ATP8B4: variants seen among roughly 807,000 people sequenced by gnomAD.
ATP8B4 encodes the protein probable phospholipid-transporting ATPase IM.
In ATP8B4, 133 loss-of-function variants were observed where a neutral mutation model predicts 145.6. The observed-to-expected ratio is 0.91, with a 90% confidence interval of 0.79 to 1.05. The LOEUF is 1.05. ATP8B4 is among the 50% of genes least tolerant of loss of function. The probability of loss-of-function intolerance (pLI) is 0.00; values close to 1 mark genes in which losing one functional copy is unlikely to be tolerated. For synonymous variants in ATP8B4, 507 were observed against 492.9 expected (o/e 1.03, Z -0.38); for missense variants, 1,458 against 1,425.2 (o/e 1.02, Z -0.37).
chr15:49,987,677 T>C (rs2046734507), intron 9 of ATP8B4, 128 bp from the exon 10 acceptor site: 3 of 979,056 alleles, frequency 3.1e-6, no homozygotes, highest in Admixed American at 3.2e-5. Flanking sequence ...TAAAGAATTG[T>C]GCTAGAAAAA....
At chr15:50,101,715 C>T (rs1392198688) in intron 2 of ATP8B4, among the ~76,000 whole-genome samples, 4 of 152,046 alleles carry the variant, frequency 2.6e-5, no homozygotes, top group East Asian at 1.9e-4. Context: ...AAACGATGAA[C>T]TTAAACTATA....
rs187853876 is a variant in ATP8B4 at position 50,074,142 on chromosome 15, T to C, written c.72A>G (p.Glu24=). The part of the protein sequence containing the change: ...IVKANDREYN[E]KFQYADNRIH... ...TTTCACTTACCGCATACTGGAACTT[T>C]TCATTATATTCACGGTCATTGGCTT... The change falls in exon 3 of 28, where the codon GAA becomes GAG. Residue 24 remains glutamate, a synonymous_variant. Transcript: ENST00000284509. The C allele has an allele frequency of 1.2e-6, 2 of 1,613,010 alleles. No individual in the cohort carries two copies. Among genetic ancestry groups the C allele is most frequent in the East Asian group, 4.5e-5 (2 of 44,838 alleles).
intron 3 of ATP8B4, among the ~76,000 whole-genome samples, chr15:50,054,174 A>C (rs28452447): frequency 0.027 from 4,060 of 152,258 alleles, 171 homozygotes; most frequent in African/African-American, 0.094. Flanking sequence ...TCACAGCTTA[A>C]CCCAGTAAGA....
At chr15:50,106,021 G>T (rs2153667530) in intron 2 of ATP8B4, among the ~76,000 whole-genome samples, 1 of 152,290 alleles carries the variant, frequency 6.6e-6, no homozygotes, top group East Asian at 1.9e-4. Context: ...TGGCCTGTGG[G>T]TGGGAACCAC....
At chr15:50,007,371 A>G (rs1345838960) in intron 7 of ATP8B4, among the ~76,000 whole-genome samples, 1 of 152,210 alleles carries the variant, frequency 6.6e-6, no homozygotes, top group Non-Finnish European at 1.5e-5. Context: ...CCAATGGAGT[A>G]AGGAACAGCA....
Position 49,858,512 on chromosome 15 carries a change from T to C in ATP8B4, c.*1682A>G, listed in dbSNP as rs910739250. 1 of 152,244 alleles carries C rather than the reference T, an allele frequency of 6.6e-6. No individual in the cohort carries two copies. The highest frequency in any genetic ancestry group is 2.4e-5 in the African/African-American group (1 of 41,466). The allele number at this position is 152,244 out of a possible 1,614,324, so 9.4% of individuals were successfully genotyped here. A position where few individuals can be genotyped will look rare whatever the true frequency, so the allele number is the denominator to read the frequency against. Reference sequence around the variant, plus strand: ...TTTGGTTTTAAAAAATTGTGACCTATAGATATCACATTAGCTCATTATCCA... The same window carrying C: ...TTTGGTTTTAAAAAATTGTGACCTACAGATATCACATTAGCTCATTATCCA... On this transcript the variant is annotated 3_prime_UTR_variant, in exon 28 of 28. Coordinates refer to ENST00000284509, the MANE Select transcript of ATP8B4 (RefSeq NM_024837.4).
At chr15:50,018,250 A>C (rs2049253779) in intron 6 of ATP8B4, among the ~76,000 whole-genome samples, 1 of 152,152 alleles carries the variant, frequency 6.6e-6, no homozygotes, top group Non-Finnish European at 1.5e-5. Context: ...AGCCTCCCAA[A>C]GTGCTGGAAT....
intron 19 of ATP8B4, among the ~76,000 whole-genome samples, chr15:49,917,773 A>T (rs1238802580): frequency 6.6e-6 from 1 of 152,208 alleles, no homozygotes; most frequent in Non-Finnish European, 1.5e-5. Flanking sequence ...CTATGGAATC[A>T]TTAGTTTTGT....
At chr15:50,016,713 G>A (rs1162571651) in intron 6 of ATP8B4, among the ~76,000 whole-genome samples, 1 of 152,164 alleles carries the variant, frequency 6.6e-6, no homozygotes, top group East Asian at 1.9e-4. Flanking sequence ...GTGTCCTTAA[G>A]GAAAACACTC....
At chr15:49,887,223 C>T (rs926599413) in intron 23 of ATP8B4, among the ~76,000 whole-genome samples, 1 of 151,860 alleles carries the variant, frequency 6.6e-6, no homozygotes, top group Non-Finnish European at 1.5e-5. Flanking sequence ...TCCTTAGATC[C>T]CCTTGGAAAA....
chr15:49,867,417 G>A (rs549209435), intron 25 of ATP8B4, among the ~76,000 whole-genome samples: 6 of 152,214 alleles, frequency 3.9e-5, no homozygotes, highest in Middle Eastern at 3.4e-3. Flanking sequence ...AATGATGCTG[G>A]CAGCCTTTGA....
At chr15:49,965,028 T>C (rs1445493409) in intron 13 of ATP8B4, among the ~76,000 whole-genome samples, 1 of 152,210 alleles carries the variant, frequency 6.6e-6, no homozygotes, top group African/African-American at 2.4e-5. Flanking sequence ...GGGAACTTTT[T>C]AAGGAAAGGT....
chr15:49,861,473 T>TCTACCTACCTAC (rs71124313), intron 27 of ATP8B4, among the ~76,000 whole-genome samples: 32 of 135,684 alleles, frequency 2.4e-4, no homozygotes, highest in South Asian at 7.5e-4. Flanking sequence ...TATCTATCTA[T>TCTACCTACCTAC]CTACCTACCT....
At chr15:50,138,954 G>A (rs1213204918) in intron 1 of ATP8B4, among the ~76,000 whole-genome samples, 1 of 152,178 alleles carries the variant, frequency 6.6e-6, no homozygotes, top group Non-Finnish European at 1.5e-5. Context: ...TGCTGGCAAG[G>A]CTGTGGAAAA....
intron 13 of ATP8B4, among the ~76,000 whole-genome samples, 196 bp downstream of exon 13, chr15:49,972,386 A>G (rs2045237736): frequency 1.3e-5 from 2 of 152,124 alleles, no homozygotes; most frequent in African/African-American, 2.4e-5. Context: ...AAATTACTCA[A>G]CATTTATCCA....
intron 10 of ATP8B4, among the ~76,000 whole-genome samples, 181 bp from the exon 11 acceptor site, chr15:49,981,475 T>C (rs2046151012): frequency 6.6e-6 from 1 of 152,314 alleles, no homozygotes; most frequent in South Asian, 2.1e-4. Flanking sequence ...ACAACAATCC[T>C]GGAAGCTGCA....
At position 49,897,328 on chromosome 15, in the gene ATP8B4, A is replaced by T. The variant is rs745470992; in HGVS notation, c.2661T>A (p.His887Gln). 1.9e-6 allele frequency: 3 copies of T among 1,612,944 alleles called. No individual in the cohort carries two copies. The highest frequency in any genetic ancestry group is 1.1e-5 in the South Asian group (1 of 90,816). Residue 887 changes from histidine to glutamine, a missense_variant, in exon 23 of 28, where the codon CAT (histidine) becomes CAA (glutamine). Physicochemically the swap from His to Gln is conservative, Grantham distance 24 (BLOSUM62 0). Transcript: ENST00000284509. ...FYKNFAFTLV[H>Q]FWFGFFCGFS... ...AACCACAGAAGAAACCAAACCAGAA[A>T]TGCACAAGTGTAAATGCAAAATTCT...
At chr15:49,874,289 CT>C (rs2034069058) in intron 25 of ATP8B4, among the ~76,000 whole-genome samples, 1 of 152,104 alleles carries the variant, frequency 6.6e-6, no homozygotes, top group African/African-American at 2.4e-5. Context: ...ATAAAGGGGC[CT>C]TAGTTTAAAT....
At chr15:50,165,239 G>A (rs1206700514) in intron 1 of ATP8B4, among the ~76,000 whole-genome samples, 6 of 152,020 alleles carry the variant, frequency 3.9e-5, no homozygotes, top group Non-Finnish European at 8.8e-5. Flanking sequence ...TTTTAGTAGA[G>A]ATGGGGTTTT....
Sources: allele counts gnomAD v4.1 joint callset (sites outside exome capture counted in the v4.1 genomes callset), GRCh38; gene constraint gnomAD v4.1.1; transcripts MANE v1.5; gene names NCBI Gene and HGNC (gene_info 2026-07-23, HGNC 2026-07-21).